The following SLC8B1 variants were observed in gnomAD, a reference collection of about 807,000 sequenced individuals.
SLC8B1 encodes solute carrier family 8 member B1.
A neutral mutation model predicts 63.4 loss-of-function variants in SLC8B1; 52 were observed. The observed-to-expected ratio is 0.82, with a 90% CI of 0.66 to 1.03. The LOEUF (loss-of-function observed/expected upper bound fraction) is 1.03. SLC8B1 is among the 50% of genes least tolerant of loss of function. The pLI, the probability that SLC8B1 is intolerant of heterozygous loss-of-function variation, is 0.00. For missense variants in SLC8B1, 657 were observed against 741.7 expected (o/e 0.89, Z 1.33); for synonymous variants, 336 against 323.9 (o/e 1.04, Z -0.40).
chr12:113,309,107 G>A (rs558895765), intron 12 of SLC8B1, among the ~76,000 whole-genome samples: 85 of 152,178 alleles, frequency 5.6e-4, no homozygotes, highest in African/African-American at 1.8e-3. Context: ...CACCCGTCTC[G>A]GCCTCTCAAA....
At chr12:113,300,651 T>G (rs1354521304) in intron 15 of SLC8B1, among the ~76,000 whole-genome samples, 1 of 152,158 alleles carries the variant, frequency 6.6e-6, no homozygotes, top group East Asian at 1.9e-4. Context: ...CCCAGAAGTT[T>G]CCAGACGCAG....
intron 10 of SLC8B1, among the ~76,000 whole-genome samples, chr12:113,316,115 T>A (rs1956831728): frequency 1.3e-5 from 2 of 151,748 alleles, no homozygotes; most frequent in African/African-American, 4.8e-5. Context: ...TCCCAGCTAC[T>A]CAGGAGGCTG....
intron 2 of SLC8B1, among the ~76,000 whole-genome samples, chr12:113,328,665 CA>C (rs1041176020): frequency 2.6e-5 from 4 of 152,130 alleles, no homozygotes; most frequent in African/African-American, 9.7e-5. Flanking sequence ...CCACATTCAC[CA>C]CCCAATTCTT....
At chr12:113,301,049 T>A (rs1193815566) in intron 15 of SLC8B1, among the ~76,000 whole-genome samples, 1 of 151,856 alleles carries the variant, frequency 6.6e-6, no homozygotes, top group Non-Finnish European at 1.5e-5. Flanking sequence ...GGCAGGAGAA[T>A]CACTTGAACC....
In SLC8B1 at chr12:113,320,546, G is replaced by A. The variant is rs1273816619; in HGVS notation, c.526+35C>T. ...CAGCCACCCTGCACCCTCTCCTGCT[G>A]CTTTCCCCGCCCCCCTCACTGGGGC... On this transcript the variant is annotated intron_variant, in intron 6 of 15. Coordinates refer to ENST00000680972, the MANE Select transcript of SLC8B1 (RefSeq NM_001358345.2). This position sits in a 1 kb window ranked among gnomAD's most constrained non-coding sequence, Gnocchi z 5.3. 1.2e-6 allele frequency: 2 copies of A among 1,613,874 alleles called. No homozygotes were observed. The highest frequency in any genetic ancestry group is 1.7e-6 in the Non-Finnish European group (2 of 1,179,958).
intron 2 of SLC8B1, among the ~76,000 whole-genome samples, chr12:113,331,711 G>C (rs983378012): frequency 1.3e-5 from 2 of 152,062 alleles, no homozygotes; most frequent in African/African-American, 4.8e-5. Flanking sequence ...GCTTGCAGAT[G>C]ACCTATTGCG....
intron 1 of SLC8B1, among the ~76,000 whole-genome samples, chr12:113,334,019 A>G (rs547679629): frequency 2.6e-4 from 40 of 152,298 alleles, no homozygotes; most frequent in African/African-American, 9.1e-4. Context: ...GAGGAATTCC[A>G]GAACCTGCCC....
chr12:113,324,091 C>T (rs1368730282), intron 2 of SLC8B1, among the ~76,000 whole-genome samples: 4 of 152,090 alleles, frequency 2.6e-5, no homozygotes, highest in African/African-American at 4.8e-5. Context: ...GCAGGAGGAT[C>T]GCTTAAGCCC....
At chr12:113,327,734 G>A (rs1184579074) in intron 2 of SLC8B1, among the ~76,000 whole-genome samples, 1 of 150,470 alleles carries the variant, frequency 6.6e-6, no homozygotes. Context: ...TGTAATCCCA[G>A]CACTTTGGGA....
chr12:113,317,049 G>A, intron 8 of SLC8B1, 48 bp from the exon 9 acceptor site: 2 of 1,553,534 alleles, frequency 1.3e-6, no homozygotes, highest in Non-Finnish European at 1.8e-6. Context: ...CCATTTTCGA[G>A]GGGGCACACT....
intron 12 of SLC8B1, among the ~76,000 whole-genome samples, chr12:113,309,827 C>T (rs190618024): frequency 2.0e-4 from 31 of 151,554 alleles, no homozygotes; most frequent in African/African-American, 7.3e-4. Flanking sequence ...CCCATAGAGA[C>T]GCGGAGTAGA....
chr12:113,316,088 G>A lies in SLC8B1; in HGVS notation c.993+438C>T, dbSNP rs575446720. ...AAATACAAAAAATTAGCCAGGCGTG[G>A]TGGCGGGCGCCTATAGTCCCAGCTA... On this transcript the variant is annotated intron_variant, in intron 10 of 15. Transcript: ENST00000680972. Among the ~76,000 whole-genome samples the A allele has an allele frequency of 1.1e-3, 169 of 152,260 alleles. 1 individual carries two copies. Among genetic ancestry groups the A allele is most frequent in the Non-Finnish European group, 1.4e-3 (98 of 68,024 alleles).
Position 113,316,956 on chromosome 12 carries a change from T to G in SLC8B1, c.848A>C (p.Asn283Thr), listed in dbSNP as rs1435356309. The G allele has an allele frequency of 6.2e-7, 1 of 1,613,652 alleles. No individual in the cohort carries two copies. The highest frequency in any genetic ancestry group is 8.5e-7 in the Non-Finnish European group (1 of 1,179,880). The change falls in exon 9 of 16, where the codon AAC (asparagine) becomes ACC (threonine). Residue 283 changes from asparagine (N) to threonine (T), a missense_variant. Asn to Thr is a moderately conservative substitution (Grantham distance 65, BLOSUM62 0). Transcript: ENST00000680972. ...SEEDRVSSNTNSYDYGDEYRP... is the reference protein window; with the variant it reads ...SEEDRVSSNTTSYDYGDEYRP... Reference sequence around the variant, plus strand: ...CACGGACTCACCGTAGTCATAGCTGTTGGTATTAGAAGATACCCGGTCCTC... The same window carrying G: ...CACGGACTCACCGTAGTCATAGCTGGTGGTATTAGAAGATACCCGGTCCTC...
chr12:113,332,374 C>T (rs761718413), intron 2 of SLC8B1, among the ~76,000 whole-genome samples: 37 of 152,282 alleles, frequency 2.4e-4, no homozygotes, highest in Middle Eastern at 3.4e-3. Flanking sequence ...CGGTTTCAAG[C>T]AATTCTCCTG....
In SLC8B1 at chr12:113,335,105, G is replaced by T. The variant is rs1469558203; in HGVS notation, c.-745C>A. ...TTGCGCCAGCGAAGCCGCCAGTCCG[G>T]GTGCCCCGCCTGCTGCAGCGTCCGG... On this transcript the variant is annotated 5_prime_UTR_variant, in exon 1 of 16. Coordinates refer to ENST00000680972, the MANE Select transcript of SLC8B1 (RefSeq NM_001358345.2). 6.6e-6 allele frequency: 1 copy of T among 152,394 alleles called. No homozygotes were observed. The highest frequency in any genetic ancestry group is 2.4e-5 in the African/African-American group (1 of 41,458). 9.4% of individuals were successfully genotyped at this position (152,394 alleles called of 1,614,324 possible). A position where few individuals can be genotyped will look rare whatever the true frequency, so the allele number is the denominator to read the frequency against.
At chr12:113,322,688 T>C (rs1177225634) in intron 2 of SLC8B1, among the ~76,000 whole-genome samples, 6 of 152,108 alleles carry the variant, frequency 3.9e-5, no homozygotes, top group Admixed American at 3.9e-4. Context: ...GGCTCACGCC[T>C]GTAACTGTAG....
At chr12:113,300,160 TCAA>T (rs997570829) in intron 15 of SLC8B1, among the ~76,000 whole-genome samples, 186 bp from the exon 16 acceptor site, 1 of 151,902 alleles carries the variant, frequency 6.6e-6, no homozygotes, top group African/African-American at 2.4e-5. Flanking sequence ...CAATGCACCC[TCAA>T]CAACAATGCA....
rs567764947 is a variant in SLC8B1 at position 113,321,344 on chromosome 12, C to T, written c.161G>A (p.Arg54His). The T allele has an allele frequency of 5.4e-5, 87 of 1,614,086 alleles. 1 individual carries two copies. In the South Asian group the frequency reaches 7.6e-4, roughly 14 times the overall value. Residue 54 changes from arginine (R) to histidine (H), a missense_variant, in exon 3 of 16, where the codon CGC becomes CAC. Coordinates refer to ENST00000680972, the MANE Select transcript of SLC8B1 (RefSeq NM_001358345.2). ...AGAGACATTCAGGCCACACACCTTGCGGCACTGCAGGAAGACAGGGAGGGG... is the reference window on the plus strand; with the variant it reads ...AGAGACATTCAGGCCACACACCTTGTGGCACTGCAGGAAGACAGGGAGGGG... ...GVNQTPVVDC[R>H]KVCGLNVSDR...
In SLC8B1 at chr12:113,320,576, C is replaced by G. The variant is rs1016003746; in HGVS notation, c.526+5G>C. ...CCCCGCCCCCCTCACTGGGGCTGCT[C>G]TCACCAAACAGTGCCCCAAGGGCCA... On this transcript the variant is annotated splice_donor_5th_base_variant and intron_variant, in intron 6 of 15. Coordinates refer to ENST00000680972, the MANE Select transcript of SLC8B1 (RefSeq NM_001358345.2). The surrounding 1 kb of genome is among the most constrained non-coding windows in gnomAD (Gnocchi z 5.3). The G allele has an allele frequency of 1.9e-6, 3 of 1,614,060 alleles. No individual in the cohort carries two copies. Among genetic ancestry groups the G allele is most frequent in the South Asian group, 2.2e-5 (2 of 91,082 alleles).
Sources: gnomAD v4.1 joint callset for allele counts (sites outside exome capture counted in the v4.1 genomes callset) on GRCh38, gnomAD v4.1.1 for gene constraint, Gnocchi (gnomAD v3.1) non-coding constraint, MANE v1.5 for transcripts, NCBI Gene and HGNC (gene_info 2026-07-23, HGNC 2026-07-21) for gene names.